The following KCNJ5 variants were observed in gnomAD, a reference collection of about 807,000 sequenced individuals.
The protein encoded by KCNJ5 is potassium inwardly rectifying channel subfamily J member 5, also known as G protein-activated inward rectifier potassium channel 4.
In KCNJ5, 12 loss-of-function variants were observed where a neutral mutation model predicts 20.2. That is an observed-to-expected ratio of 0.59 (90% CI 0.38 to 0.96). The LOEUF (loss-of-function observed/expected upper bound fraction) is 0.96, where lower values mean the gene tolerates loss of function less well. Among genes scored for constraint, KCNJ5 ranks in the 40% least tolerant of loss-of-function variants. The pLI, the probability that KCNJ5 is intolerant of heterozygous loss-of-function variation, is 0.00. For synonymous variants in KCNJ5, 210 were observed against 213.9 expected (o/e 0.98, Z 0.16); for missense variants, 449 against 557.6 (o/e 0.81, Z 1.96).
At chr11:128,902,470 C>A (rs556693264) in intron 1 of KCNJ5, 4 of 1,524,366 alleles carry the variant, frequency 2.6e-6, no homozygotes, top group Non-Finnish European at 3.6e-6. Flanking sequence ...CGAGGAACCC[C>A]GCACTTTAAG....
At chr11:128,892,440 G>C (rs1444527457) in intron 1 of KCNJ5, among the ~76,000 whole-genome samples, 1 of 152,170 alleles carries the variant, frequency 6.6e-6, no homozygotes, top group Non-Finnish European at 1.5e-5. Flanking sequence ...AGGGGCTGTG[G>C]AGGGCCTCAG....
chr11:128,897,873 A>C (rs1944201801), intron 1 of KCNJ5, among the ~76,000 whole-genome samples: 1 of 152,224 alleles, frequency 6.6e-6, no homozygotes, highest in Admixed American at 6.5e-5. Context: ...AAAAATGTGC[A>C]ATTGCTCCGG....
chr11:128,914,967 AG>A (rs1348325337), intron 2 of KCNJ5, among the ~76,000 whole-genome samples: 2 of 152,222 alleles, frequency 1.3e-5, no homozygotes, highest in African/African-American at 2.4e-5. Context: ...CTGAAGGGAG[AG>A]GCCCGGCCCA....
chr11:128,916,279 T>TGGAA, intron 2 of KCNJ5, 130 bp from the exon 3 acceptor site: 1 of 721,146 alleles, frequency 1.4e-6, no homozygotes, highest in Non-Finnish European at 2.4e-6. Context: ...GATGGATGGA[T>TGGAA]GAACAGATGA....
intron 2 of KCNJ5, among the ~76,000 whole-genome samples, chr11:128,914,847 C>T (rs1196497026): frequency 6.6e-6 from 1 of 152,242 alleles, no homozygotes; most frequent in African/African-American, 2.4e-5. Flanking sequence ...AGGTCCTGCC[C>T]ATACCTTTCC....
chr11:128,914,346 G>C (rs370695130), intron 2 of KCNJ5, among the ~76,000 whole-genome samples: 3 of 152,146 alleles, frequency 2.0e-5, no homozygotes, highest in African/African-American at 7.2e-5. Context: ...CCGCTGCCCC[G>C]CTGCACCCCC....
Position 128,916,622 on chromosome 11 carries a change from C to A in KCNJ5, c.1151C>A (p.Pro384Gln), listed in dbSNP as rs148307402. ...CTCCTCCAGTACCTCCCCAGCCCCC[C>A]ACTGCTGGGGGGCTGTGCTGAGGCA... ...GRLLQYLPSPPLLGGCAEAGL... is the reference protein window; with the variant it reads ...GRLLQYLPSPQLLGGCAEAGL... The change falls in exon 3 of 3, where the codon CCA (proline) becomes CAA (glutamine). Residue 384 changes from proline to glutamine, a missense_variant. This residue lies in a region of KCNJ5 where 64 missense variants were observed against 51.3 expected (regional missense o/e 1.25). Transcript: ENST00000529694. 2.5e-6 allele frequency: 4 copies of A among 1,613,998 alleles called. No homozygotes were observed. The highest frequency in any genetic ancestry group is 2.2e-5 in the East Asian group (1 of 44,864).
intron 1 of KCNJ5, among the ~76,000 whole-genome samples, chr11:128,897,278 AGTAGAGACAAG>A (rs1190696782): frequency 2.0e-5 from 3 of 151,760 alleles, no homozygotes; most frequent in Non-Finnish European, 4.4e-5. Flanking sequence ...TTGTATTTTT[AGTAGAGACAAG>A]GTTTCACCAT....
At chr11:128,904,263 G>A (rs2135991221) in intron 1 of KCNJ5, among the ~76,000 whole-genome samples, 1 of 152,240 alleles carries the variant, frequency 6.6e-6, no homozygotes, top group South Asian at 2.1e-4. Flanking sequence ...TTCCTCACCA[G>A]GGCCTTCCTG....
chr11:128,916,242 T>C (rs1161762003), intron 2 of KCNJ5, among the ~76,000 whole-genome samples, 167 bp from the exon 3 acceptor site: 2 of 11,198 alleles, frequency 1.8e-4, no homozygotes, highest in African/African-American at 1.2e-3. Flanking sequence ...GGATAGATGA[T>C]TAGATGGATG....
chr11:128,911,074 G>A lies in KCNJ5; in HGVS notation c.-10-190G>A, dbSNP rs564907930. ...AAGCATCTATTTTGTGCTAGACTCT[G>A]TACTAGGCACCAGGGATACAAAAGA... On this transcript the variant is annotated intron_variant, in intron 1 of 2. Transcript: ENST00000529694. The surrounding 1 kb of genome is among the most constrained non-coding windows in gnomAD (Gnocchi z 6.3). 1.2e-4 allele frequency: 76 copies of A among 611,382 alleles called. No individual in the cohort carries two copies. The East Asian group carries it at 2.0e-3, about 16-fold the overall frequency. 37.9% of individuals were successfully genotyped at this position (611,382 alleles called of 1,614,324 possible). A position where few individuals can be genotyped will look rare whatever the true frequency, so the allele number is the denominator to read the frequency against.
intron 1 of KCNJ5, chr11:128,902,548 G>A: frequency 6.3e-7 from 1 of 1,592,486 alleles, no homozygotes; most frequent in Non-Finnish European, 8.6e-7. Context: ...TATTGGCAAG[G>A]AGACAGGGCT....
Position 128,917,108 on chromosome 11 carries a change from C to CT in KCNJ5, c.*377_*378insT, listed in dbSNP as rs1944596639. On this transcript the variant is annotated 3_prime_UTR_variant, in exon 3 of 3. Transcript: ENST00000529694. Reference sequence around the variant, plus strand: ...ACCTAGAGAGAACCATCACCTTGTCCCTCATTCCTTCCACCCTGAGGCTTG... The same window carrying CT: ...ACCTAGAGAGAACCATCACCTTGTCCTCTCATTCCTTCCACCCTGAGGCTTG... 2 of 174,924 alleles carry CT rather than the reference C, an allele frequency of 1.1e-5. No individual in the cohort carries two copies. Among genetic ancestry groups the CT allele is most frequent in the South Asian group, 3.2e-4 (2 of 6,178 alleles). 10.8% of individuals were successfully genotyped at this position (174,924 alleles called of 1,614,324 possible).
At chr11:128,904,370 C>A in intron 1 of KCNJ5, 2 of 1,605,456 alleles carry the variant, frequency 1.2e-6, no homozygotes, top group Non-Finnish European at 1.7e-6. Flanking sequence ...CTGTGTACTC[C>A]CCACCAGACC....
At chr11:128,907,674 C>G (rs907198564) in intron 1 of KCNJ5, among the ~76,000 whole-genome samples, 2 of 152,208 alleles carry the variant, frequency 1.3e-5, no homozygotes, top group African/African-American at 4.8e-5. Context: ...AGGATTTGCT[C>G]AAGTCAGTGC....
Position 128,919,186 on chromosome 11 carries a change from G to A in KCNJ5, c.*2455G>A, listed in dbSNP as rs539132794. On this transcript the variant is annotated 3_prime_UTR_variant, in exon 3 of 3. Coordinates refer to ENST00000529694, the MANE Select transcript of KCNJ5 (RefSeq NM_000890.5). Reference sequence around the variant, plus strand: ...AACTAAGCGAGGGAGGGAAGGCGAAGGCAAAGCTGGCCTTGCACCTGGACA... The same window carrying A: ...AACTAAGCGAGGGAGGGAAGGCGAAAGCAAAGCTGGCCTTGCACCTGGACA... The A allele has an allele frequency of 6.6e-6, 1 of 152,610 alleles. No homozygotes were observed. Among genetic ancestry groups the A allele is most frequent in the East Asian group, 1.9e-4 (1 of 5,184 alleles). The allele number at this position is 152,610 out of a possible 1,614,324, so 9.5% of individuals were successfully genotyped here.
Position 128,916,775 on chromosome 11 carries a change from A to C in KCNJ5, c.*44A>C. On this transcript the variant is annotated 3_prime_UTR_variant, in exon 3 of 3. Transcript: ENST00000529694. ...GACCTCCTGTCACTGGCTTCAGTGA[A>C]CACAGACACTGCAGAGCCTGGGAGC... The C allele has an allele frequency of 7.1e-7, 1 of 1,402,264 alleles. No individual in the cohort carries two copies. 86.9% of individuals were successfully genotyped at this position (1,402,264 alleles called of 1,614,324 possible).
intron 1 of KCNJ5, among the ~76,000 whole-genome samples, chr11:128,899,091 C>G (rs2135984724): frequency 6.6e-6 from 1 of 152,210 alleles, no homozygotes; most frequent in East Asian, 1.9e-4. Flanking sequence ...TTAAGCATTC[C>G]ATTTTTGTGG....
intron 1 of KCNJ5, among the ~76,000 whole-genome samples, chr11:128,898,318 C>T (rs2135984165): frequency 6.6e-6 from 1 of 152,326 alleles, no homozygotes; most frequent in East Asian, 1.9e-4. Flanking sequence ...TGCTATTCTT[C>T]AGTTTCTTTC....
Sources: allele counts gnomAD v4.1 joint callset (sites outside exome capture counted in the v4.1 genomes callset), GRCh38; gene constraint gnomAD v4.1.1; regional missense constraint gnomAD v4.1.1; non-coding constraint Gnocchi (gnomAD v3.1); transcripts MANE v1.5; gene names NCBI Gene and HGNC (gene_info 2026-07-23, HGNC 2026-07-21).